ATCAY: variants seen among roughly 807,000 people sequenced by gnomAD.
ATCAY encodes ATCAY kinesin light chain interacting caytaxin.
In ATCAY, 22 loss-of-function variants were observed where a neutral mutation model predicts 47.7. The ratio of observed to expected loss-of-function variants is 0.46; its 90% CI spans 0.33 to 0.66. The LOEUF is 0.66. ATCAY is among the 30% of genes least tolerant of loss of function. The pLI is 0.02. For missense variants in ATCAY, 452 were observed against 515.0 expected (o/e 0.88, Z 1.18); for synonymous variants, 216 against 207.6 (o/e 1.04, Z -0.35).
chr19:3,910,856 G>C lies in ATCAY; in HGVS notation c.833G>C (p.Arg278Pro). 3 of 1,613,984 alleles carry C rather than the reference G, an allele frequency of 1.9e-6. No individual in the cohort carries two copies. The highest frequency in any genetic ancestry group is 2.5e-6 in the Non-Finnish European group (3 of 1,179,898). ...ATCGTCCACCCCTCGTGGTTCATTC[G>C]GACTGTGCTGGCCATCTCTCGCCCT... ...LIIVHPSWFIRTVLAISRPFI... is the reference protein window; with the variant it reads ...LIIVHPSWFIPTVLAISRPFI... The change falls in exon 8 of 13, where the codon CGG (arginine) becomes CCG (proline). Residue 278 changes from arginine (R) to proline (P), a missense_variant. Coordinates refer to ENST00000450849, the MANE Select transcript of ATCAY (RefSeq NM_033064.5).
chr19:3,913,706 C>A, intron 8 of ATCAY, 52 bp from the exon 9 acceptor site: 1 of 1,456,312 alleles, frequency 6.9e-7, no homozygotes, highest in Non-Finnish European at 9.6e-7. Context: ...CCTAGGTAAC[C>A]CCCACCCCAT....
At position 3,907,096 on chromosome 19, in the gene ATCAY, T is replaced by C. The variant is rs577255121; in HGVS notation, c.359-638T>C. On this transcript the variant is annotated intron_variant, in intron 4 of 12. Coordinates refer to ENST00000450849, the MANE Select transcript of ATCAY (RefSeq NM_033064.5). The surrounding 1 kb of genome is among the most constrained non-coding windows in gnomAD (Gnocchi z 5.1). ...CTGCAGTGAGCAGAGATCGCACCAC[T>C]CCACTCCAGCCTGGGCGATGGAACA... Among the ~76,000 whole-genome samples, 1 of 143,076 alleles carries C rather than the reference T, an allele frequency of 7.0e-6. No homozygotes were observed. Among genetic ancestry groups the C allele is most frequent in the East Asian group, 2.1e-4 (1 of 4,832 alleles). 93.9% of individuals were successfully genotyped at this position (143,076 alleles called of 152,430 possible).
chr19:3,887,146 G>T (rs189630095), intron 2 of ATCAY, among the ~76,000 whole-genome samples: 5 of 152,174 alleles, frequency 3.3e-5, no homozygotes, highest in African/African-American at 1.2e-4. Flanking sequence ...GACAGGTGCT[G>T]ATCACTGGTC....
chr19:3,890,720 C>T (rs1382963354), intron 2 of ATCAY, among the ~76,000 whole-genome samples: 1 of 152,252 alleles, frequency 6.6e-6, no homozygotes, highest in Non-Finnish European at 1.5e-5. Flanking sequence ...TTTCTTACAG[C>T]TGCAAGGCTT....
chr19:3,907,801 G>A lies in ATCAY; in HGVS notation c.426G>A (p.Thr142=), dbSNP rs373080859. ...GDSADLFGDG[T]TEDGSAANGR... ...GCGCGGATCTATTTGGGGACGGCAC[G>A]ACGGAGGACGGCAGCGCCGCCAACG... Residue 142 remains threonine (T), a synonymous_variant, in exon 5 of 13, where the codon ACG becomes ACA. Coordinates refer to ENST00000450849, the MANE Select transcript of ATCAY (RefSeq NM_033064.5). This position sits in a 1 kb window ranked among gnomAD's most constrained non-coding sequence, Gnocchi z 5.1. 8.2e-4 allele frequency: 1,322 copies of A among 1,613,982 alleles called. 14 individuals carry two copies. In the Middle Eastern group the frequency reaches 0.016, roughly 19 times the overall value.
At chr19:3,886,754 C>A (rs1244939465) in intron 2 of ATCAY, among the ~76,000 whole-genome samples, 2 of 148,406 alleles carry the variant, frequency 1.3e-5, no homozygotes, top group Admixed American at 6.7e-5. Context: ...CACTCTGTCC[C>A]ACAGGCTGGA....
chr19:3,883,261 C>G (rs538128469), intron 1 of ATCAY, among the ~76,000 whole-genome samples: 22 of 152,182 alleles, frequency 1.4e-4, no homozygotes, highest in African/African-American at 5.1e-4. Flanking sequence ...GTAGTCCAAG[C>G]TACTCAAGAG....
At chr19:3,884,301 A>G (rs1351817026) in intron 1 of ATCAY, among the ~76,000 whole-genome samples, 1 of 152,048 alleles carries the variant, frequency 6.6e-6, no homozygotes, top group Non-Finnish European at 1.5e-5. Flanking sequence ...TAAATAAATA[A>G]ATAAATAAAG....
intron 8 of ATCAY, among the ~76,000 whole-genome samples, chr19:3,911,382 T>G (rs2038921435): frequency 6.6e-6 from 1 of 151,128 alleles, no homozygotes; most frequent in Non-Finnish European, 1.5e-5. Context: ...AAATCAGTCA[T>G]GCATGGCATC....
intron 9 of ATCAY, among the ~76,000 whole-genome samples, 161 bp from the exon 10 acceptor site, chr19:3,917,581 T>G (rs2038976476): frequency 1.3e-4 from 4 of 31,714 alleles, no homozygotes; most frequent in Admixed American, 5.8e-4. Context: ...CAAGACTCCA[T>G]CTCAAAAAAA....
intron 3 of ATCAY, among the ~76,000 whole-genome samples, chr19:3,904,990 G>T (rs1313585539): frequency 6.6e-6 from 1 of 152,066 alleles, no homozygotes; most frequent in Non-Finnish European, 1.5e-5. Flanking sequence ...CTCCCAAGCA[G>T]CTGGGATTAC....
chr19:3,918,570 A>G (rs1029975026), intron 10 of ATCAY, among the ~76,000 whole-genome samples: 1 of 152,154 alleles, frequency 6.6e-6, no homozygotes, highest in East Asian at 1.9e-4. Context: ...AAAAAACAAA[A>G]AAAAACAGCC....
At chr19:3,905,116 C>T (rs1238103106) in intron 3 of ATCAY, among the ~76,000 whole-genome samples, 1 of 152,120 alleles carries the variant, frequency 6.6e-6, no homozygotes, top group Non-Finnish European at 1.5e-5. Context: ...GCCTCGGCCT[C>T]CAAAGTGCTG....
intron 2 of ATCAY, among the ~76,000 whole-genome samples, chr19:3,893,288 C>T (rs1006050838): frequency 6.6e-6 from 1 of 151,880 alleles, no homozygotes; most frequent in Admixed American, 6.6e-5. Flanking sequence ...ACTCTCCTGC[C>T]TCAGCCTCCC....
At chr19:3,910,215 G>A (rs1356635734) in intron 7 of ATCAY, among the ~76,000 whole-genome samples, 1 of 152,160 alleles carries the variant, frequency 6.6e-6, no homozygotes, top group Non-Finnish European at 1.5e-5. Flanking sequence ...TTGTCCTTTT[G>A]TGTCTGGCTT....
At chr19:3,910,737 C>A (rs1438741155) in intron 7 of ATCAY, 66 bp from the exon 8 acceptor site, 4 of 1,547,250 alleles carry the variant, frequency 2.6e-6, no homozygotes, top group Non-Finnish European at 3.6e-6. Flanking sequence ...TCCCGTCCCA[C>A]CCAGCTCCTC....
Position 3,925,230 on chromosome 19 carries a change from CAAG to C in ATCAY, c.*643_*645del, listed in dbSNP as rs1352230892. The C allele has an allele frequency of 2.6e-5, 4 of 152,434 alleles. No homozygotes were observed. Among genetic ancestry groups the C allele is most frequent in the South Asian group, 4.1e-4 (2 of 4,834 alleles). The allele number at this position is 152,434 out of a possible 1,614,324, so 9.4% of individuals were successfully genotyped here. A position where few individuals can be genotyped will look rare whatever the true frequency, so the allele number is the denominator to read the frequency against. ...TTTGAGAGGATCAGAGCCCATTGCA[CAAG>C]AAGAGCCGCTGCCAACCATCCTTGT... On this transcript the variant is annotated 3_prime_UTR_variant, in exon 13 of 13. Coordinates refer to ENST00000450849, the MANE Select transcript of ATCAY (RefSeq NM_033064.5). This position sits in a 1 kb window ranked among gnomAD's most constrained non-coding sequence, Gnocchi z 4.4.
At chr19:3,922,955 CG>C (rs1297362109) in intron 12 of ATCAY, among the ~76,000 whole-genome samples, 3 of 152,040 alleles carry the variant, frequency 2.0e-5, no homozygotes, top group African/African-American at 7.2e-5. Flanking sequence ...CCATGTTAGC[CG>C]GGATGGTCTC....
Position 3,920,817 on chromosome 19 carries a change from G to A in ATCAY, c.1106+19G>A, listed in dbSNP as rs752185781. Reference sequence around the variant, plus strand: ...AAACAAGGTGGGTGTGATGCAGAGTGGTCTTCGTGCTGTTTTCAAAATGTC... The same window carrying A: ...AAACAAGGTGGGTGTGATGCAGAGTAGTCTTCGTGCTGTTTTCAAAATGTC... On this transcript the variant is annotated intron_variant, in intron 12 of 12. Transcript: ENST00000450849. 1 of 1,613,320 alleles carries A rather than the reference G, an allele frequency of 6.2e-7. No individual in the cohort carries two copies. The highest frequency in any genetic ancestry group is 8.5e-7 in the Non-Finnish European group (1 of 1,179,568).
Sources: allele counts gnomAD v4.1 joint callset (sites outside exome capture counted in the v4.1 genomes callset), GRCh38; gene constraint gnomAD v4.1.1; non-coding constraint Gnocchi (gnomAD v3.1); transcripts MANE v1.5; gene names NCBI Gene and HGNC (gene_info 2026-07-23, HGNC 2026-07-21).